The following PABIR3 variants were observed in gnomAD, a reference collection of about 807,000 sequenced individuals.
PABIR3 encodes PABIR family member 3, also known as PABIR family member 1.
A neutral mutation model predicts 23.1 loss-of-function variants in PABIR3; 20 were observed. The ratio of observed to expected loss-of-function variants is 0.86; its 90% CI spans 0.61 to 1.26. PABIR3 has a LOEUF of 1.26. Ranked by LOEUF, PABIR3 falls within the 50% of genes most tolerant of loss-of-function variation. The probability of loss-of-function intolerance (pLI) is 0.00; values close to 1 mark genes in which losing one functional copy is unlikely to be tolerated. For missense variants in PABIR3, 189 were observed against 195.4 expected, an observed-to-expected ratio of 0.97 and a Z score of 0.20; for synonymous variants, 69 against 68.5, an observed-to-expected ratio of 1.01 and a Z score of -0.04.
intron 4 of PABIR3, chrX:134,838,604 A>C (rs1370560387): frequency 1.1e-5 from 1 of 87,241 alleles, no homozygotes; most frequent in East Asian, 3.5e-4. Flanking sequence ...TGCCTGGCCA[A>C]ATTTTTTTTT....
At chrX:134,806,648 A>T (rs1470672520), upstream of PABIR3, among the ~76,000 whole-genome samples, 1 of 109,849 alleles carries the variant, frequency 9.1e-6, no homozygotes, top group Non-Finnish European at 1.9e-5. Flanking sequence ...CTGTACGATT[A>T]TGGTTTAAAA....
chrX:134,856,255 G>A (rs756463375), downstream of PABIR3, among the ~76,000 whole-genome samples: 1 of 105,273 alleles, frequency 9.5e-6, no homozygotes, highest in South Asian at 4.3e-4. Context: ...GCATGATCTC[G>A]GCTCACTGCA....
chrX:134,810,123 T>C, intron 2 of PABIR3: 1 of 753,757 alleles, frequency 1.3e-6, no homozygotes, highest in Non-Finnish European at 1.6e-6. Context: ...AAGAAATAGG[T>C]TGCAAATAGA....
chrX:134,845,678 C>T (rs2082409461), intron 6 of PABIR3, among the ~76,000 whole-genome samples: 1 of 111,748 alleles, frequency 8.9e-6, no homozygotes, highest in Non-Finnish European at 1.9e-5. Flanking sequence ...TGAGCCATTG[C>T]GCCTAGCCCT....
intron 10 of PABIR3, among the ~76,000 whole-genome samples, chrX:134,853,688 C>T (rs756891414): frequency 1.5e-4 from 16 of 109,092 alleles, no homozygotes; most frequent in Admixed American, 9.8e-4. Flanking sequence ...GGCACCATCT[C>T]GGCTTACTGC....
downstream of PABIR3, among the ~76,000 whole-genome samples, chrX:134,857,268 C>T (rs2082755029): frequency 9.0e-6 from 1 of 111,112 alleles, no homozygotes; most frequent in Non-Finnish European, 1.9e-5. Context: ...TGCCTCTCTC[C>T]TTGCTTTTGG....
intron 6 of PABIR3, among the ~76,000 whole-genome samples, chrX:134,846,109 G>A (rs2082423987): frequency 2.7e-5 from 3 of 111,755 alleles, no homozygotes; most frequent in Admixed American, 9.6e-5. Flanking sequence ...ATGGCAGAAG[G>A]CACCTCTTCA....
chrX:134,800,787 T>TC (rs2080047326), intron 1 of PABIR3, among the ~76,000 whole-genome samples: 1 of 111,638 alleles, frequency 9.0e-6, no homozygotes, highest in African/African-American at 3.3e-5. Context: ...AGACTCTGCC[T>TC]CAAAAAAATA....
At chrX:134,853,348 G>T (rs1324352944) in intron 10 of PABIR3, among the ~76,000 whole-genome samples, 1 of 112,003 alleles carries the variant, frequency 8.9e-6, no homozygotes, top group Non-Finnish European at 1.9e-5. Flanking sequence ...GATTACAGGC[G>T]TGAGTCACGT....
At chrX:134,860,725 A>AT in the PABIR3 span, among the ~76,000 whole-genome samples, 1 of 112,175 alleles carries the variant, frequency 8.9e-6, no homozygotes, top group East Asian at 2.8e-4. Flanking sequence ...GCAACTGAGT[A>AT]GTCACATGTA....
At chrX:134,832,294 A>T (rs927407863) in intron 4 of PABIR3, among the ~76,000 whole-genome samples, 2 of 108,453 alleles carry the variant, frequency 1.8e-5, no homozygotes, top group Non-Finnish European at 3.8e-5. Context: ...AAAAAAGAAG[A>T]TAAGTTAGAA....
intron 4 of PABIR3, among the ~76,000 whole-genome samples, chrX:134,832,338 T>A (rs1265319340): frequency 9.2e-6 from 1 of 109,138 alleles, no homozygotes; most frequent in African/African-American, 3.3e-5. Context: ...CCTGGCTTAT[T>A]TCACTTAACA....
At chrX:134,836,170 C>T (rs1348449804) in intron 4 of PABIR3, among the ~76,000 whole-genome samples, 1 of 110,867 alleles carries the variant, frequency 9.0e-6, no homozygotes, top group Non-Finnish European at 1.9e-5. Flanking sequence ...ATGACGTCTC[C>T]CTGTGATGCC....
At chrX:134,819,234 G>A (rs1414810482) in intron 3 of PABIR3, among the ~76,000 whole-genome samples, 1 of 110,826 alleles carries the variant, frequency 9.0e-6, no homozygotes, top group African/African-American at 3.3e-5. Flanking sequence ...TGTGCCCGGC[G>A]ATTCTTGGCA....
chrX:134,805,854 G>A (rs1016063485), upstream of PABIR3, among the ~76,000 whole-genome samples: 12 of 109,759 alleles, frequency 1.1e-4, no homozygotes, highest in African/African-American at 4.0e-4. Flanking sequence ...CCAAGATTGC[G>A]CCATTGCACT....
intron 1 of PABIR3, among the ~76,000 whole-genome samples, chrX:134,799,002 TA>T (rs1437481869): frequency 8.9e-6 from 1 of 112,327 alleles, no homozygotes; most frequent in Non-Finnish European, 1.9e-5. Flanking sequence ...GCCTGGAAGT[TA>T]AACTCAATGA....
chrX:134,803,592 TTAGA>T (rs1361809248), upstream of PABIR3, among the ~76,000 whole-genome samples: 1 of 112,288 alleles, frequency 8.9e-6, no homozygotes, highest in East Asian at 2.8e-4. Context: ...GTAAGTACTT[TTAGA>T]TAGTTTCCTT....
chrX:134,863,801 C>T, the PABIR3 span, among the ~76,000 whole-genome samples: 1 of 111,519 alleles, frequency 9.0e-6, no homozygotes, highest in Non-Finnish European at 1.9e-5. Flanking sequence ...TGCCATTCCT[C>T]CTACATAGTA....
chrX:134,800,514 A>G (rs763671885), intron 1 of PABIR3, among the ~76,000 whole-genome samples: 1 of 110,159 alleles, frequency 9.1e-6, no homozygotes, highest in Non-Finnish European at 1.9e-5. Context: ...AGCCTTGGCC[A>G]GGCGTGGTGG....
Sources: allele counts gnomAD v4.1 joint callset (sites outside exome capture counted in the v4.1 genomes callset), GRCh38; gene constraint gnomAD v4.1.1; transcripts MANE v1.5; gene names NCBI Gene and HGNC (gene_info 2026-07-23, HGNC 2026-07-21).